GPR39: variants seen among roughly 807,000 people sequenced by gnomAD.
The protein encoded by GPR39 is G protein-coupled receptor 39.
A neutral mutation model predicts 18.4 loss-of-function variants in GPR39; 23 were observed. That is an observed-to-expected ratio of 1.25 (90% confidence interval 0.90 to 1.77). The LOEUF is 1.77. Ranked by LOEUF, GPR39 falls within the 40% of genes most tolerant of loss-of-function variation. GPR39 has a pLI of 0.00. For missense variants in GPR39, 647 were observed against 602.4 expected (o/e 1.07, Z -0.78); for synonymous variants, 280 against 257.9 (o/e 1.09, Z -0.82).
At chr2:132,570,608 A>G (rs1288766321) in intron 1 of GPR39, among the ~76,000 whole-genome samples, 1 of 152,182 alleles carries the variant, frequency 6.6e-6, no homozygotes, top group East Asian at 1.9e-4. Context: ...ACACATGAAA[A>G]GGACACCCTT....
chr2:132,430,404 T>C (rs745688823), intron 1 of GPR39, among the ~76,000 whole-genome samples: 43 of 152,284 alleles, frequency 2.8e-4, no homozygotes, highest in Non-Finnish European at 4.9e-4. Flanking sequence ...CTTTAGTAAC[T>C]GTGCCAAGGT....
At chr2:132,435,656 CAGAA>C (rs1680304258) in intron 1 of GPR39, among the ~76,000 whole-genome samples, 1 of 152,226 alleles carries the variant, frequency 6.6e-6, no homozygotes, top group South Asian at 2.1e-4. Flanking sequence ...TGTGATATTA[CAGAA>C]AGAATTTTGG....
rs115021452 is a variant in GPR39 at position 132,544,502 on chromosome 2, C to T, written c.857-100599C>T. Among the ~76,000 whole-genome samples, 297 of 152,312 alleles carry T rather than the reference C, an allele frequency of 1.9e-3. 1 individual carries two copies. The highest frequency in any genetic ancestry group is 6.9e-3 in the African/African-American group (288 of 41,570). ...GCAGGATTTTTCTCAGCCACTTTGC[C>T]AGCTGGAGACCCCCAGATGTCCATG... On this transcript the variant is annotated intron_variant, in intron 1 of 1. Transcript: ENST00000329321.
intron 1 of GPR39, among the ~76,000 whole-genome samples, chr2:132,632,803 C>T (rs1198451450): frequency 6.6e-6 from 1 of 152,114 alleles, no homozygotes; most frequent in Non-Finnish European, 1.5e-5. Context: ...TGAGTATTAC[C>T]TCTCTTCTGG....
chr2:132,430,933 C>A (rs923964212), intron 1 of GPR39, among the ~76,000 whole-genome samples: 20 of 152,184 alleles, frequency 1.3e-4, no homozygotes, highest in African/African-American at 4.8e-4. Flanking sequence ...CCTGGACTTC[C>A]CCTTCCCCCT....
chr2:132,442,917 G>A (rs944656150), intron 1 of GPR39, among the ~76,000 whole-genome samples: 1 of 152,154 alleles, frequency 6.6e-6, no homozygotes, highest in Non-Finnish European at 1.5e-5. Context: ...TTGGCAACTG[G>A]AGAGGCATGG....
intron 1 of GPR39, among the ~76,000 whole-genome samples, chr2:132,577,707 A>G (rs1348906722): frequency 1.3e-5 from 2 of 152,226 alleles, no homozygotes; most frequent in Non-Finnish European, 2.9e-5. Flanking sequence ...GTAGAAATGC[A>G]GTACTTTTTT....
chr2:132,424,697 C>T (rs769180878), intron 1 of GPR39, among the ~76,000 whole-genome samples: 5 of 152,154 alleles, frequency 3.3e-5, no homozygotes, highest in Non-Finnish European at 7.4e-5. Flanking sequence ...TTAAACAGCA[C>T]AGTTGGATTT....
At chr2:132,614,177 C>CTTTT (rs113026250) in intron 1 of GPR39, among the ~76,000 whole-genome samples, 1,797 of 146,900 alleles carry the variant, frequency 0.012, 21 homozygotes, top group Non-Finnish European at 0.015. Flanking sequence ...AACTTGCTTG[C>CTTTT]TTTTTTTTTT....
chr2:132,644,515 A>ATATG (rs1239433036), intron 1 of GPR39, among the ~76,000 whole-genome samples: 1 of 152,266 alleles, frequency 6.6e-6, no homozygotes, highest in East Asian at 1.9e-4. Context: ...CCTAGTATGT[A>ATATG]TATGTCCAAA....
intron 1 of GPR39, among the ~76,000 whole-genome samples, chr2:132,449,077 A>C (rs556931704): frequency 6.6e-6 from 1 of 152,360 alleles, no homozygotes; most frequent in South Asian, 2.1e-4. Flanking sequence ...ATTGGAGAAT[A>C]GTCAAAATAA....
chr2:132,642,850 GTTCTCTGAAA>G (rs1558868530), intron 1 of GPR39, among the ~76,000 whole-genome samples: 1 of 150,646 alleles, frequency 6.6e-6, no homozygotes, highest in Non-Finnish European at 1.5e-5. Context: ...GGTTGTACAT[GTTCTCTGAAA>G]TTCAGTGACA....
At chr2:132,517,335 A>G (rs916577741) in intron 1 of GPR39, among the ~76,000 whole-genome samples, 3 of 152,144 alleles carry the variant, frequency 2.0e-5, no homozygotes, top group Non-Finnish European at 2.9e-5. Context: ...AAGAAACAGG[A>G]GGAAAACTTT....
chr2:132,646,002 G>A lies in GPR39; in HGVS notation c.*396G>A. On this transcript the variant is annotated 3_prime_UTR_variant, in exon 2 of 2. Transcript: ENST00000329321. The stretch of plus-strand genomic sequence containing the variant: ...AGGGAGGTGGGGGGTTGGGGGCGAG[G>A]GCTGGAAGAACAATGCAGGAGGGGG... 1 of 1,435,066 alleles carries A rather than the reference G, an allele frequency of 7.0e-7. No individual in the cohort carries two copies. The highest frequency in any genetic ancestry group is 9.4e-7 in the Non-Finnish European group (1 of 1,068,436). The allele number at this position is 1,435,066 out of a possible 1,614,324, so 88.9% of individuals were successfully genotyped here.
At chr2:132,454,246 G>A in intron 1 of GPR39, among the ~76,000 whole-genome samples, 1 of 152,176 alleles carries the variant, frequency 6.6e-6, no homozygotes. Flanking sequence ...TGTAGCAATT[G>A]TGAATGGGAG....
intron 1 of GPR39, among the ~76,000 whole-genome samples, chr2:132,578,931 T>C (rs1680576841): frequency 1.3e-5 from 2 of 152,126 alleles, no homozygotes; most frequent in South Asian, 2.1e-4. Context: ...AAGAAACAGC[T>C]ATTTTTAAAA....
At chr2:132,497,064 C>A (rs1276875249) in intron 1 of GPR39, among the ~76,000 whole-genome samples, 4 of 152,190 alleles carry the variant, frequency 2.6e-5, no homozygotes, top group Non-Finnish European at 5.9e-5. Flanking sequence ...ACATGCATAT[C>A]TTTTAGTGCC....
At chr2:132,536,412 G>C (rs771870528) in intron 1 of GPR39, among the ~76,000 whole-genome samples, 13 of 152,096 alleles carry the variant, frequency 8.5e-5, no homozygotes, top group Non-Finnish European at 1.9e-4. Flanking sequence ...TTCTAATGTA[G>C]TTGCACTGTG....
chr2:132,641,964 G>A (rs993008774), intron 1 of GPR39, among the ~76,000 whole-genome samples: 5 of 152,132 alleles, frequency 3.3e-5, no homozygotes, highest in African/African-American at 1.2e-4. Context: ...TATTGCACTT[G>A]GGCAACTAAC....
Sources: gnomAD v4.1 joint callset for allele counts (sites outside exome capture counted in the v4.1 genomes callset) on GRCh38, gnomAD v4.1.1 for gene constraint, MANE v1.5 for transcripts, NCBI Gene and HGNC (gene_info 2026-07-23, HGNC 2026-07-21) for gene names.